The following CCDC138 variants were observed in gnomAD, a reference collection of about 807,000 sequenced individuals.
CCDC138 encodes the protein coiled-coil domain-containing protein 138.
Under a neutral mutation model 82.3 loss-of-function variants are expected in CCDC138, and 66 were observed. The observed-to-expected ratio is 0.80, with a 90% CI of 0.66 to 0.98. The LOEUF (loss-of-function observed/expected upper bound fraction) is 0.98, where lower values mean the gene tolerates loss of function less well. CCDC138 is among the 50% of genes least tolerant of loss of function. The probability of loss-of-function intolerance (pLI) is 0.00; values close to 1 mark genes in which losing one functional copy is unlikely to be tolerated. For synonymous variants in CCDC138, 297 were observed against 265.4 expected, an observed-to-expected ratio of 1.12 and a Z score of -1.16; for missense variants, 816 against 758.9, an observed-to-expected ratio of 1.08 and a Z score of -0.88.
intron 1 of CCDC138, 60 bp downstream of exon 1, chr2:108,786,975 G>A: frequency 1.7e-6 from 2 of 1,208,564 alleles, no homozygotes; most frequent in Non-Finnish European, 2.2e-6. Context: ...GGCCCGCTCC[G>A]TGCCCCGCGC....
chr2:108,856,048 G>C (rs1692542901), intron 12 of CCDC138, among the ~76,000 whole-genome samples: 2 of 152,172 alleles, frequency 1.3e-5, no homozygotes, highest in Non-Finnish European at 2.9e-5. Context: ...GTAGGGACTT[G>C]GGTTGTGTAG....
In CCDC138 at chr2:108,873,370, A is replaced by G. The variant is rs181720899; in HGVS notation, c.1694-81A>G. ...CTAAATGAATATTTATAAATGCCTC[A>G]CATAGTTCTGATTTTAATTTGTTTT... On this transcript the variant is annotated intron_variant, in intron 13 of 14. Coordinates refer to ENST00000295124, the MANE Select transcript of CCDC138 (RefSeq NM_144978.3). The G allele has an allele frequency of 5.0e-4, 609 of 1,225,290 alleles. 6 individuals carry two copies. The African/African-American group carries it at 8.5e-3, about 17-fold the overall frequency. 75.9% of individuals were successfully genotyped at this position (1,225,290 alleles called of 1,614,324 possible).
chr2:108,843,347 G>A (rs1212691536), intron 11 of CCDC138, among the ~76,000 whole-genome samples: 1 of 151,952 alleles, frequency 6.6e-6, no homozygotes, highest in Non-Finnish European at 1.5e-5. Flanking sequence ...TAGTAGAGAT[G>A]GGGTTTCGCC....
At chr2:108,845,820 C>T (rs1416273113) in intron 11 of CCDC138, among the ~76,000 whole-genome samples, 14 of 152,144 alleles carry the variant, frequency 9.2e-5, no homozygotes, top group Admixed American at 7.2e-4. Flanking sequence ...ATCTGCCTGC[C>T]TCGGCGTCCC....
chr2:108,816,600 C>T (rs759916152), intron 10 of CCDC138, among the ~76,000 whole-genome samples: 6 of 152,108 alleles, frequency 3.9e-5, no homozygotes, highest in Non-Finnish European at 7.4e-5. Context: ...TATAAAGCCA[C>T]CAGTCCAGTT....
intron 1 of CCDC138, chr2:108,882,214 CAT>C: frequency 6.6e-6 from 1 of 150,564 alleles, no homozygotes; most frequent in Middle Eastern, 3.5e-3. Flanking sequence ...GATATAATAA[CAT>C]AATAGTAACA....
chr2:108,874,477 C>A (rs1695727627), intron 14 of CCDC138, among the ~76,000 whole-genome samples: 1 of 152,084 alleles, frequency 6.6e-6, no homozygotes, highest in Admixed American at 6.6e-5. Flanking sequence ...ATCTGGACAC[C>A]TTCTATCTCA....
chr2:108,837,186 C>T (rs1688717507), intron 10 of CCDC138, among the ~76,000 whole-genome samples: 1 of 151,920 alleles, frequency 6.6e-6, no homozygotes, highest in Admixed American at 6.6e-5. Context: ...TTATATATAG[C>T]CTTTATTATA....
chr2:108,822,083 G>A (rs1685796780), intron 10 of CCDC138, among the ~76,000 whole-genome samples: 1 of 152,010 alleles, frequency 6.6e-6, no homozygotes, highest in South Asian at 2.1e-4. Context: ...AGATCTAAAG[G>A]CACGTATCAG....
chr2:108,860,856 GA>G (rs1693451621), intron 13 of CCDC138, among the ~76,000 whole-genome samples: 1 of 146,302 alleles, frequency 6.8e-6, no homozygotes. Flanking sequence ...CGATATTTTG[GA>G]ATAGTTTCAA....
At chr2:108,791,392 C>T (rs1679877286) in intron 3 of CCDC138, among the ~76,000 whole-genome samples, 1 of 151,982 alleles carries the variant, frequency 6.6e-6, no homozygotes, top group South Asian at 2.1e-4. Context: ...TATTGGGAGT[C>T]AAAATAAAGT....
At chr2:108,861,864 C>T (rs953558989) in intron 13 of CCDC138, among the ~76,000 whole-genome samples, 19 of 152,250 alleles carry the variant, frequency 1.2e-4, no homozygotes, top group African/African-American at 4.3e-4. Flanking sequence ...ACTGTTTTTA[C>T]TGTATCCTAC....
intron 2 of CCDC138, chr2:108,883,265 A>G (rs1395145894): frequency 6.6e-6 from 1 of 152,214 alleles, no homozygotes. Flanking sequence ...CCCAGTTGAG[A>G]TGAGACCAAA....
chr2:108,843,761 GT>G (rs1574180814), intron 11 of CCDC138, among the ~76,000 whole-genome samples: 1 of 148,248 alleles, frequency 6.7e-6, no homozygotes, highest in Non-Finnish European at 1.5e-5. Context: ...CCTGTTTGGT[GT>G]TTGTTTAGTT....
At chr2:108,880,862 C>T (rs1296172958), downstream of CCDC138, among the ~76,000 whole-genome samples, 2 of 152,194 alleles carry the variant, frequency 1.3e-5, no homozygotes, top group East Asian at 3.8e-4. Flanking sequence ...GATAACATAA[C>T]ATCCATTCTG....
intron 10 of CCDC138, among the ~76,000 whole-genome samples, chr2:108,817,199 A>C (rs1193288547): frequency 6.6e-6 from 1 of 152,180 alleles, no homozygotes; most frequent in African/African-American, 2.4e-5. Flanking sequence ...TTTAAACCAG[A>C]AGGATTCAGA....
At chr2:108,853,709 A>G (rs1291151941) in intron 12 of CCDC138, among the ~76,000 whole-genome samples, 3 of 148,574 alleles carry the variant, frequency 2.0e-5, no homozygotes, top group African/African-American at 7.4e-5. Flanking sequence ...TATTTTTTGT[A>G]GAGATGAGCT....
At chr2:108,861,052 G>A (rs1387510871) in intron 13 of CCDC138, among the ~76,000 whole-genome samples, 1 of 144,358 alleles carries the variant, frequency 6.9e-6, no homozygotes, top group Non-Finnish European at 1.5e-5. Flanking sequence ...AATCTTGGGA[G>A]ATTGTATATT....
chr2:108,792,061 G>C (rs1453011897), intron 4 of CCDC138, among the ~76,000 whole-genome samples: 3 of 152,124 alleles, frequency 2.0e-5, no homozygotes, highest in Non-Finnish European at 4.4e-5. Flanking sequence ...AGATGATTGT[G>C]GTAGTATTTG....
Sources: gnomAD v4.1 joint callset for allele counts (sites outside exome capture counted in the v4.1 genomes callset) on GRCh38, gnomAD v4.1.1 for gene constraint, MANE v1.5 for transcripts, NCBI Gene and HGNC (gene_info 2026-07-23, HGNC 2026-07-21) for gene names.